Variants in EPHB3 observed in about 807,000 individuals in gnomAD.
EPHB3 encodes EPH receptor B3, also known as ephrin type-B receptor 3.
In EPHB3, 33 loss-of-function variants were observed where a neutral mutation model predicts 100.2. That is an observed-to-expected ratio of 0.33 (90% CI 0.25 to 0.44). The LOEUF (loss-of-function observed/expected upper bound fraction) is 0.44, where lower values mean the gene tolerates loss of function less well. Ranked by LOEUF, EPHB3 falls within the 20% of genes least tolerant of loss-of-function variation. EPHB3 has a pLI of 1.00. For synonymous variants in EPHB3, 526 were observed against 554.7 expected (o/e 0.95, Z 0.73); for missense variants, 1,045 against 1,378.3 (o/e 0.76, Z 3.83).
rs1018567310 is a variant in EPHB3 at position 184,579,606 on chromosome 3, C to T, written c.1924+7C>T. The stretch of plus-strand genomic sequence containing the variant: ...GAGGAGGTGATCGGAGCTGGTGAGT[C>T]TCCCGGGGCACAGTAGAGATGAGAA... On this transcript the variant is annotated splice_region_variant and intron_variant, in intron 10 of 15. Transcript: ENST00000330394. The surrounding 1 kb of genome is among the most constrained non-coding windows in gnomAD (Gnocchi z 5.2). 1.9e-6 allele frequency: 3 copies of T among 1,613,736 alleles called. No individual in the cohort carries two copies. The Admixed American group carries it at 5.0e-5, about 27-fold the overall frequency.
chr3:184,570,426 C>G (rs1379144945), intron 1 of EPHB3, among the ~76,000 whole-genome samples: 9 of 152,234 alleles, frequency 5.9e-5, no homozygotes, highest in Admixed American at 5.9e-4. Context: ...TCAGTGTTCT[C>G]TTCTGTAAAA....
Position 184,562,605 on chromosome 3 carries a change from G to A in EPHB3, c.118+252G>A, listed in dbSNP as rs60875741. ...CTAGACTCGGGACGAACGTCCCCCA[G>A]AGTCCTGGCCCTGCTGTGAGCTTTC... is the stretch of plus-strand genomic sequence containing the variant. On this transcript the variant is annotated intron_variant, in intron 1 of 15. Transcript: ENST00000330394. The surrounding 1 kb of genome is among the most constrained non-coding windows in gnomAD (Gnocchi z 4.8). Among the ~76,000 whole-genome samples the A allele has an allele frequency of 0.31, 47,027 of 151,986 alleles. 7,802 individuals carry two copies. The highest frequency in any genetic ancestry group is 0.37 in the South Asian group (1,779 of 4,830).
chr3:184,572,777 C>A lies in EPHB3; in HGVS notation c.457C>A (p.Pro153Thr). The part of the protein sequence containing the change: ...SASSPFWMEN[P>T]YVKVDTIAPD... Reference sequence around the variant, plus strand: ...CTCCTCCCCCTTCTGGATGGAGAACCCCTACGTGAAAGTGGACACCATTGC... The same window carrying A: ...CTCCTCCCCCTTCTGGATGGAGAACACCTACGTGAAAGTGGACACCATTGC... The change falls in exon 3 of 16, where the codon CCC (proline) becomes ACC (threonine). Residue 153 changes from proline (P) to threonine (T), a missense_variant. Pro to Thr is a conservative substitution (Grantham distance 38). Coordinates refer to ENST00000330394, the MANE Select transcript of EPHB3 (RefSeq NM_004443.4). This position sits in a 1 kb window ranked among gnomAD's most constrained non-coding sequence, Gnocchi z 6.6. 6.2e-7 allele frequency: 1 copy of A among 1,604,428 alleles called. No homozygotes were observed. Among genetic ancestry groups the A allele is most frequent in the Non-Finnish European group, 8.5e-7 (1 of 1,176,504 alleles).
chr3:184,571,306 T>C lies in EPHB3; in HGVS notation c.119-12T>C. Reference sequence around the variant, plus strand: ...GATTAGTCCCTGACCTTTTTCTCCGTTGTTCCTCCAGAGACCCTCATGGAC... The same window carrying C: ...GATTAGTCCCTGACCTTTTTCTCCGCTGTTCCTCCAGAGACCCTCATGGAC... On this transcript the variant is annotated splice_polypyrimidine_tract_variant and intron_variant, in intron 1 of 15. Transcript: ENST00000330394. This position sits in a 1 kb window ranked among gnomAD's most constrained non-coding sequence, Gnocchi z 5.0. 3 of 1,613,912 alleles carry C rather than the reference T, an allele frequency of 1.9e-6. No homozygotes were observed. Among genetic ancestry groups the C allele is most frequent in the Non-Finnish European group, 2.5e-6 (3 of 1,179,834 alleles).
At chr3:184,574,268 G>A (rs1714619459) in intron 3 of EPHB3, among the ~76,000 whole-genome samples, 1 of 152,134 alleles carries the variant, frequency 6.6e-6, no homozygotes, top group Non-Finnish European at 1.5e-5. Flanking sequence ...GCCTGCCTCG[G>A]ATGGCTTGCC....
chr3:184,571,298 T>A lies in EPHB3; in HGVS notation c.119-20T>A. On this transcript the variant is annotated intron_variant, in intron 1 of 15. Coordinates refer to ENST00000330394, the MANE Select transcript of EPHB3 (RefSeq NM_004443.4). This position sits in a 1 kb window ranked among gnomAD's most constrained non-coding sequence, Gnocchi z 5.0. ...CAACCTGAGATTAGTCCCTGACCTTTTTCTCCGTTGTTCCTCCAGAGACCC... is the reference window on the plus strand; with the variant it reads ...CAACCTGAGATTAGTCCCTGACCTTATTCTCCGTTGTTCCTCCAGAGACCC... 1 of 1,613,808 alleles carries A rather than the reference T, an allele frequency of 6.2e-7. No homozygotes were observed. Among genetic ancestry groups the A allele is most frequent in the Non-Finnish European group, 8.5e-7 (1 of 1,179,752 alleles).
At chr3:184,567,733 T>G (rs561871231) in intron 1 of EPHB3, among the ~76,000 whole-genome samples, 1 of 152,294 alleles carries the variant, frequency 6.6e-6, no homozygotes, top group African/African-American at 2.4e-5. Flanking sequence ...CCGAAGACTG[T>G]GTGACTTGCA....
rs1714591617 is a variant in EPHB3 at position 184,573,405 on chromosome 3, A to T, written c.856+229A>T. Among the ~76,000 whole-genome samples, 1 of 152,184 alleles carries T rather than the reference A, an allele frequency of 6.6e-6. No homozygotes were observed. The highest frequency in any genetic ancestry group is 1.5e-5 in the Non-Finnish European group (1 of 68,028). Reference sequence around the variant, plus strand: ...CAAGGATAGTAAGAGAAAAAATGACATTAAAGAGAGAGGAAGAGAAGCATG... The same window carrying T: ...CAAGGATAGTAAGAGAAAAAATGACTTTAAAGAGAGAGGAAGAGAAGCATG... On this transcript the variant is annotated intron_variant, in intron 3 of 15. Coordinates refer to ENST00000330394, the MANE Select transcript of EPHB3 (RefSeq NM_004443.4). The surrounding 1 kb of genome is among the most constrained non-coding windows in gnomAD (Gnocchi z 4.5).
At chr3:184,567,974 G>A (rs952043408) in intron 1 of EPHB3, among the ~76,000 whole-genome samples, 1 of 152,216 alleles carries the variant, frequency 6.6e-6, no homozygotes, top group Admixed American at 6.5e-5. Context: ...GAGAAAGACA[G>A]ACCATGGCTC....
intron 1 of EPHB3, among the ~76,000 whole-genome samples, chr3:184,566,676 C>T (rs1448475284): frequency 6.6e-6 from 1 of 152,160 alleles, no homozygotes; most frequent in East Asian, 1.9e-4. Flanking sequence ...CATAGCACTG[C>T]TCCAGGCTGC....
At chr3:184,580,032 A>T in intron 11 of EPHB3, 98 bp downstream of exon 11, 1 of 1,520,876 alleles carries the variant, frequency 6.6e-7, no homozygotes, top group Non-Finnish European at 8.8e-7. Flanking sequence ...CAAGTCCATA[A>T]GCATTTACTG....
In EPHB3 at chr3:184,580,795, AGTGATGTCT is replaced by A; in HGVS notation, c.2457_2465del (p.Ser819_Trp822delinsArg). 6.2e-7 allele frequency: 1 copy of A among 1,614,184 alleles called. No homozygotes were observed. Among genetic ancestry groups the A allele is most frequent in the Non-Finnish European group, 8.5e-7 (1 of 1,180,032 alleles). On this transcript the variant is annotated inframe_deletion, in exon 13 of 16. Coordinates refer to ENST00000330394, the MANE Select transcript of EPHB3 (RefSeq NM_004443.4). ...AGCCTATCGGAAGTTCACTTCTGCT[AGTGATGTCT>A]GGAGCTACGGAATTGTCATGTGGGA... is the stretch of plus-strand genomic sequence containing the variant.
In EPHB3 at chr3:184,577,346, C is replaced by T; in HGVS notation, c.1358C>T (p.Pro453Leu). 5 of 1,613,478 alleles carry T rather than the reference C, an allele frequency of 3.1e-6. No individual in the cohort carries two copies. The highest frequency in any genetic ancestry group is 4.2e-6 in the Non-Finnish European group (5 of 1,179,946). ...AVNITTNQAA[P>L]SEVPTLRLHS... ...GTGAGCCCTCTGCTCTTCCCAGCCC[C>T]GTCTGAAGTGCCCACACTACGCCTG... The change falls in exon 6 of 16, where the codon CCG (proline) becomes CTG (leucine). Residue 453 changes from proline to leucine, a missense_variant. Coordinates refer to ENST00000330394, the MANE Select transcript of EPHB3 (RefSeq NM_004443.4). The surrounding 1 kb of genome is among the most constrained non-coding windows in gnomAD (Gnocchi z 4.9).
chr3:184,580,520 T>A lies in EPHB3; in HGVS notation c.2291T>A (p.Ile764Asn), dbSNP rs1231317780. ...YVHRDLAARN[I>N]LVNSNLVCKV... ...CACCGCGACCTGGCTGCTCGCAACATCCTTGTCAACAGCAACCTGGTCTGC... is the reference window on the plus strand; with the variant it reads ...CACCGCGACCTGGCTGCTCGCAACAACCTTGTCAACAGCAACCTGGTCTGC... Residue 764 changes from isoleucine (I) to asparagine (N), a missense_variant, in exon 12 of 16, where the codon ATC (isoleucine) becomes AAC (asparagine). Physicochemically the swap from Ile to Asn is moderately radical, Grantham distance 149. This residue lies in a region of EPHB3 where 985 missense variants were observed against 1,331.1 expected (regional missense o/e 0.74). Transcript: ENST00000330394. The A allele has an allele frequency of 6.2e-7, 1 of 1,614,182 alleles. No homozygotes were observed.
chr3:184,566,053 T>C (rs1714377460), intron 1 of EPHB3, among the ~76,000 whole-genome samples: 1 of 152,132 alleles, frequency 6.6e-6, no homozygotes, highest in Non-Finnish European at 1.5e-5. Flanking sequence ...GGAGGGAGAC[T>C]GGATACAGCT....
intron 1 of EPHB3, among the ~76,000 whole-genome samples, chr3:184,564,951 C>T (rs941266806): frequency 6.6e-6 from 1 of 152,100 alleles, no homozygotes; most frequent in Non-Finnish European, 1.5e-5. Flanking sequence ...TTGGTCTGCC[C>T]TTGGCCTTGT....
At chr3:184,581,447 C>T (rs1229306311) in intron 15 of EPHB3, 39 bp downstream of exon 15, 23 of 1,587,258 alleles carry the variant, frequency 1.4e-5, no homozygotes, top group Non-Finnish European at 2.0e-5. Flanking sequence ...GGGCAGGGGG[C>T]CCTAGGCTGG....
chr3:184,562,336 G>A lies in EPHB3; in HGVS notation c.101G>A (p.Gly34Asp), dbSNP rs1714277145. 8.1e-7 allele frequency: 1 copy of A among 1,238,338 alleles called. No individual in the cohort carries two copies. Among genetic ancestry groups the A allele is most frequent in the Middle Eastern group, 3.1e-4 (1 of 3,190 alleles). 76.7% of individuals were successfully genotyped at this position (1,238,338 alleles called of 1,614,324 possible). ...LLLPLLLLPA[G>D]CRALEETLMD... ...CTGCCGCTGCTGCTGCTGCCCGCCG[G>A]CTGCCGGGCGCTGGAAGGTGAGCGG... Residue 34 changes from glycine (G) to aspartate (D), a missense_variant, in exon 1 of 16, where the codon GGC becomes GAC. Transcript: ENST00000330394. The surrounding 1 kb of genome is among the most constrained non-coding windows in gnomAD (Gnocchi z 4.8).
intron 11 of EPHB3, 33 bp from the exon 12 acceptor site, chr3:184,580,369 A>G (rs764006501): frequency 3.1e-6 from 5 of 1,613,708 alleles, no homozygotes; most frequent in Non-Finnish European, 4.2e-6. Context: ...GATGGGAGCA[A>G]TGGGCTCACC....
Sources: gnomAD v4.1 joint callset for allele counts (sites outside exome capture counted in the v4.1 genomes callset) on GRCh38, gnomAD v4.1.1 for gene constraint, gnomAD v4.1.1 regional missense constraint, Gnocchi (gnomAD v3.1) non-coding constraint, MANE v1.5 for transcripts, NCBI Gene and HGNC (gene_info 2026-07-23, HGNC 2026-07-21) for gene names.